Variants in FAM117B observed in about 807,000 individuals in gnomAD.
FAM117B encodes family with sequence similarity 117 member B.
In FAM117B, 22 loss-of-function variants were observed where a neutral mutation model predicts 52.8. The ratio of observed to expected loss-of-function variants is 0.42; its 90% CI spans 0.30 to 0.59. FAM117B has a LOEUF of 0.59. Ranked by LOEUF, FAM117B falls within the 20% of genes least tolerant of loss-of-function variation. The pLI is 0.22. For missense variants in FAM117B, 678 were observed against 802.6 expected, an observed-to-expected ratio of 0.84 and a Z score of 1.88; for synonymous variants, 309 against 324.1, an observed-to-expected ratio of 0.95 and a Z score of 0.50.
At chr2:202,733,352 AG>A (rs1373333136) in intron 4 of FAM117B, among the ~76,000 whole-genome samples, 2 of 152,196 alleles carry the variant, frequency 1.3e-5, no homozygotes, top group Non-Finnish European at 2.9e-5. Context: ...AACAGAAAAC[AG>A]GGTTCAAGAG....
intron 1 of FAM117B, among the ~76,000 whole-genome samples, chr2:202,670,096 C>T (rs1407205236): frequency 6.6e-6 from 1 of 152,064 alleles, no homozygotes; most frequent in African/African-American, 2.4e-5. Flanking sequence ...TTCATTCTCA[C>T]GTACTGTCTA....
At chr2:202,639,136 A>G (rs1330513324) in intron 1 of FAM117B, among the ~76,000 whole-genome samples, 1 of 152,192 alleles carries the variant, frequency 6.6e-6, no homozygotes, top group Non-Finnish European at 1.5e-5. Flanking sequence ...GGTCTACCCC[A>G]TATAATTCTA....
chr2:202,653,082 C>T (rs1689980052), intron 1 of FAM117B, among the ~76,000 whole-genome samples: 1 of 152,084 alleles, frequency 6.6e-6, no homozygotes, highest in South Asian at 2.1e-4. Flanking sequence ...GCCTAGGCAA[C>T]ATAGAGGTAC....
chr2:202,643,824 C>T (rs1689810189), intron 1 of FAM117B, among the ~76,000 whole-genome samples: 1 of 152,120 alleles, frequency 6.6e-6, no homozygotes, highest in African/African-American at 2.4e-5. Flanking sequence ...ATTCTTATGC[C>T]TCAGCCTCCT....
intron 1 of FAM117B, among the ~76,000 whole-genome samples, chr2:202,661,751 C>T (rs904816924): frequency 7.2e-5 from 11 of 151,912 alleles, no homozygotes; most frequent in Admixed American, 4.6e-4. Context: ...CCCCGTCTCT[C>T]GTAAAAATAC....
At chr2:202,666,084 A>C (rs1489268843) in intron 1 of FAM117B, among the ~76,000 whole-genome samples, 1 of 152,230 alleles carries the variant, frequency 6.6e-6, no homozygotes, top group African/African-American at 2.4e-5. Flanking sequence ...GACAGAAGAA[A>C]ACATTCATTC....
intron 1 of FAM117B, among the ~76,000 whole-genome samples, chr2:202,662,543 A>G (rs759561788): frequency 1.2e-4 from 18 of 152,178 alleles, no homozygotes; most frequent in Non-Finnish European, 2.4e-4. Flanking sequence ...TTATCCTCAC[A>G]AAGAAATGAT....
intron 2 of FAM117B, among the ~76,000 whole-genome samples, chr2:202,719,757 C>A (rs2105785256): frequency 6.6e-6 from 1 of 152,256 alleles, no homozygotes; most frequent in Non-Finnish European, 1.5e-5. Flanking sequence ...AGTCAGGGAG[C>A]ACACATGGCA....
intron 2 of FAM117B, among the ~76,000 whole-genome samples, chr2:202,716,198 C>T (rs1360832788): frequency 6.6e-6 from 1 of 152,176 alleles, no homozygotes; most frequent in Non-Finnish European, 1.5e-5. Context: ...AATATAGCTA[C>T]TCCTGCTCTT....
At chr2:202,758,688 G>T (rs961219489) in intron 6 of FAM117B, among the ~76,000 whole-genome samples, 1 of 152,156 alleles carries the variant, frequency 6.6e-6, no homozygotes, top group African/African-American at 2.4e-5. Flanking sequence ...AATTTAGAAA[G>T]ATTTCAAAAA....
At chr2:202,654,141 CTT>C (rs1469451733) in intron 1 of FAM117B, among the ~76,000 whole-genome samples, 1 of 148,498 alleles carries the variant, frequency 6.7e-6, no homozygotes, top group Non-Finnish European at 1.5e-5. Context: ...GACTTACTAA[CTT>C]GATTCTGATT....
chr2:202,636,531 T>A (rs1401698228), intron 1 of FAM117B, among the ~76,000 whole-genome samples: 1 of 152,228 alleles, frequency 6.6e-6, no homozygotes, highest in Non-Finnish European at 1.5e-5. Context: ...TCTGTTTACC[T>A]GGAAGCTTTC....
At chr2:202,654,058 T>TGAGAGAGAGA (rs1228924079) in intron 1 of FAM117B, among the ~76,000 whole-genome samples, 1 of 113,444 alleles carries the variant, frequency 8.8e-6, no homozygotes, top group African/African-American at 4.0e-5. Flanking sequence ...GGGAAGAGAG[T>TGAGAGAGAGA]GAGTGAGAGA....
chr2:202,676,286 C>G (rs997349651), intron 1 of FAM117B, among the ~76,000 whole-genome samples: 1 of 152,108 alleles, frequency 6.6e-6, no homozygotes, highest in East Asian at 1.9e-4. Context: ...TTGGTTGTAT[C>G]TCTGTGGTAG....
chr2:202,687,039 C>T (rs1033411858), intron 1 of FAM117B, among the ~76,000 whole-genome samples: 1 of 152,082 alleles, frequency 6.6e-6, no homozygotes, highest in South Asian at 2.1e-4. Flanking sequence ...AGACTAAGTC[C>T]AAAGACCTGA....
chr2:202,667,928 G>A (rs1164109703), intron 1 of FAM117B, among the ~76,000 whole-genome samples: 1 of 151,668 alleles, frequency 6.6e-6, no homozygotes, highest in African/African-American at 2.4e-5. Flanking sequence ...AGTATTAGAA[G>A]TAAAATCACT....
rs535959515 is a variant in FAM117B, at chr2:202,694,231, G to A, written c.602-1650G>A. Among the ~76,000 whole-genome samples the A allele has an allele frequency of 5.6e-5, 7 of 125,288 alleles. No individual in the cohort carries two copies. In the East Asian group the frequency reaches 6.7e-4, roughly 12 times the overall value. 82.2% of individuals were successfully genotyped at this position (125,288 alleles called of 152,430 possible). A position where few individuals can be genotyped will look rare whatever the true frequency, so the allele number is the denominator to read the frequency against. ...TTTTGAGACAGAGTCTCACTCTGTC[G>A]CCAGACTGGAGTGCAGTGGTGCGAT... is the stretch of plus-strand genomic sequence containing the variant. On this transcript the variant is annotated intron_variant, in intron 1 of 7. Coordinates refer to ENST00000392238, the MANE Select transcript of FAM117B (RefSeq NM_173511.4).
At chr2:202,706,918 C>A (rs1366626403) in intron 2 of FAM117B, among the ~76,000 whole-genome samples, 3 of 152,060 alleles carry the variant, frequency 2.0e-5, no homozygotes, top group Admixed American at 6.5e-5. Flanking sequence ...TTAGGGTAAG[C>A]CTAGGAGTCT....
intron 2 of FAM117B, among the ~76,000 whole-genome samples, chr2:202,714,436 T>A (rs1473249382): frequency 6.6e-6 from 1 of 151,892 alleles, no homozygotes; most frequent in Non-Finnish European, 1.5e-5. Flanking sequence ...TGTATTGGGG[T>A]CCATCTCTAT....
Sources: gnomAD v4.1 joint callset for allele counts (sites outside exome capture counted in the v4.1 genomes callset) on GRCh38, gnomAD v4.1.1 for gene constraint, MANE v1.5 for transcripts, NCBI Gene and HGNC (gene_info 2026-07-23, HGNC 2026-07-21) for gene names.